ADGRG6: variants seen among roughly 807,000 people sequenced by gnomAD.
The protein encoded by ADGRG6 is G-protein coupled receptor 126.
ADGRG6 carries 84 observed loss-of-function variants against 142.4 expected under a neutral mutation model. That is an observed-to-expected ratio of 0.59 (90% CI 0.49 to 0.71). ADGRG6 has a LOEUF of 0.71. Ranked by LOEUF, ADGRG6 falls within the 30% of genes least tolerant of loss-of-function variation. ADGRG6 has a pLI of 0.00. For synonymous variants in ADGRG6, 521 were observed against 520.5 expected (o/e 1.00, Z -0.01); for missense variants, 1,367 against 1,466.6 (o/e 0.93, Z 1.11).
At chr6:142,378,689 CT>C (rs1490743283) in intron 4 of ADGRG6, among the ~76,000 whole-genome samples, 1 of 152,196 alleles carries the variant, frequency 6.6e-6, no homozygotes. Flanking sequence ...GCTTCCTCTT[CT>C]TGCATTCACT....
rs547565247 is a variant in ADGRG6 at position 142,441,297 on chromosome 6, C to T, written c.3575-2040C>T. Among the ~76,000 whole-genome samples the T allele has an allele frequency of 7.2e-5, 11 of 152,248 alleles. No individual in the cohort carries two copies. In the South Asian group the frequency reaches 1.7e-3, roughly 23 times the overall value. On this transcript the variant is annotated intron_variant, in intron 24 of 24. Coordinates refer to ENST00000367609, the MANE Select transcript of ADGRG6 (RefSeq NM_198569.3). ...TGAAATGCTTTATTTTTCCACTGCT[C>T]ATGTGGATTTCTGGGTATGTCATGG... is the stretch of plus-strand genomic sequence containing the variant.
chr6:142,345,758 A>C (rs1779869696), intron 2 of ADGRG6, among the ~76,000 whole-genome samples: 1 of 152,136 alleles, frequency 6.6e-6, no homozygotes, highest in Non-Finnish European at 1.5e-5. Flanking sequence ...TTGAAAAGGA[A>C]AGTTTTGTTT....
Position 142,401,710 on chromosome 6 carries a change from G to A in ADGRG6, c.1680-284G>A, listed in dbSNP as rs533137212. Among the ~76,000 whole-genome samples, 14 of 152,236 alleles carry A rather than the reference G, an allele frequency of 9.2e-5. No homozygotes were observed. The East Asian group carries it at 2.7e-3, about 29-fold the overall frequency. ...CTGGGGTGAGAGAGGAGAGAATAAG[G>A]AAGGGTGAGAAGAATGAGGTGGAGA... On this transcript the variant is annotated intron_variant, in intron 11 of 24. Coordinates refer to ENST00000367609, the MANE Select transcript of ADGRG6 (RefSeq NM_198569.3).
chr6:142,405,884 A>G (rs1422574514), intron 15 of ADGRG6, 56 bp downstream of exon 15: 1 of 1,277,100 alleles, frequency 7.8e-7, no homozygotes, highest in Admixed American at 2.8e-5. Flanking sequence ...TTCTTTGAGC[A>G]AAGAAAACAA....
At chr6:142,341,645 A>C (rs958011087) in intron 2 of ADGRG6, among the ~76,000 whole-genome samples, 5 of 132,124 alleles carry the variant, frequency 3.8e-5, no homozygotes, top group Non-Finnish European at 7.7e-5. Context: ...AATATATATA[A>C]TATATACTAT....
At chr6:142,313,414 G>A (rs1359834683) in intron 2 of ADGRG6, among the ~76,000 whole-genome samples, 1 of 152,150 alleles carries the variant, frequency 6.6e-6, no homozygotes, top group East Asian at 1.9e-4. Flanking sequence ...ACAGCCAAGA[G>A]CCAATACATT....
At chr6:142,430,026 G>A (rs548629824) in intron 22 of ADGRG6, among the ~76,000 whole-genome samples, 16 of 152,214 alleles carry the variant, frequency 1.1e-4, no homozygotes, top group Admixed American at 5.9e-4. Flanking sequence ...ACTCCAGCCT[G>A]GGTGAGAGAG....
chr6:142,302,406 C>A, intron 1 of ADGRG6, 75 bp downstream of exon 1: 2 of 1,457,026 alleles, frequency 1.4e-6, no homozygotes, highest in Non-Finnish European at 1.9e-6. Flanking sequence ...CCTCCCCGAC[C>A]ACCCCACCCT....
chr6:142,332,281 T>C (rs1368033344), intron 2 of ADGRG6, among the ~76,000 whole-genome samples: 3 of 152,160 alleles, frequency 2.0e-5, no homozygotes, highest in Non-Finnish European at 4.4e-5. Context: ...TAGTGATGAG[T>C]AGGTAGAAAG....
Position 142,415,020 on chromosome 6 carries a change from A to G in ADGRG6, c.2593A>G (p.Thr865Ala). Residue 865 changes from threonine (T) to alanine (A), a missense_variant, in exon 19 of 25, where the codon ACT becomes GCT. This residue lies in a region of ADGRG6 where 286 missense variants were observed against 371.4 expected (regional missense o/e 0.77). Coordinates refer to ENST00000367609, the MANE Select transcript of ADGRG6 (RefSeq NM_198569.3). ...QLDARNTKVL[T>A]FISYIGCGIS... ...AGATGCAAGAAACACTAAAGTCCTCACTTTCATCAGCTATATTGGGTGTGG... is the reference window on the plus strand; with the variant it reads ...AGATGCAAGAAACACTAAAGTCCTCGCTTTCATCAGCTATATTGGGTGTGG... 1 of 1,611,248 alleles carries G rather than the reference A, an allele frequency of 6.2e-7. No individual in the cohort carries two copies. Among genetic ancestry groups the G allele is most frequent in the South Asian group, 1.1e-5 (1 of 90,842 alleles).
chr6:142,437,431 C>G lies in ADGRG6; in HGVS notation c.3320-3C>G. 1 of 1,388,986 alleles carries G rather than the reference C, an allele frequency of 7.2e-7. No homozygotes were observed. Among genetic ancestry groups the G allele is most frequent in the Non-Finnish European group, 1.0e-6 (1 of 981,186 alleles). 86.0% of individuals were successfully genotyped at this position (1,388,986 alleles called of 1,614,324 possible). ...TAAATATTTATATTTTCTTTTGTCA[C>G]AGGCTTATTTATATTCATCTTCCAC... On this transcript the variant is annotated splice_region_variant and splice_polypyrimidine_tract_variant and intron_variant, in intron 22 of 24. Transcript: ENST00000367609.
Position 142,370,412 on chromosome 6 carries a change from A to C in ADGRG6, c.688A>C (p.Lys230Gln), listed in dbSNP as rs11155242. The change falls in exon 4 of 25, where the codon AAA (lysine) becomes CAA (glutamine). Residue 230 changes from lysine (K) to glutamine (Q), a missense_variant. Around this residue, in one of 3 missense-constraint regions of ADGRG6, gnomAD observed 737 missense variants for 746.5 expected, o/e 0.99. Coordinates refer to ENST00000367609, the MANE Select transcript of ADGRG6 (RefSeq NM_198569.3). The part of the protein sequence containing the change: ...SGYFLSISDS[K>Q]CLLNNALPVK... ...CTACTTTCTATCCATTTCTGATTCA[A>C]AATGTTTGTTGAATAATGCATTACC... The C allele has an allele frequency of 0.19, 309,047 of 1,612,652 alleles. 30,493 individuals are homozygous for C. Among genetic ancestry groups the C allele is most frequent in the South Asian group, 0.23 (20,711 of 91,018 alleles).
At chr6:142,377,406 C>G (rs1781553838) in intron 4 of ADGRG6, among the ~76,000 whole-genome samples, 1 of 152,214 alleles carries the variant, frequency 6.6e-6, no homozygotes, top group Admixed American at 6.5e-5. Context: ...CCACCTCCCA[C>G]AAGTCGGGCT....
chr6:142,370,480 G>A lies in ADGRG6; in HGVS notation c.756G>A (p.Gln252=). Reference sequence around the variant, plus strand: ...ACATTTTTGCAGAAAGCTTTGAACAGCTCTGCCTTGTTTGGAATAATTCTT... The same window carrying A: ...ACATTTTTGCAGAAAGCTTTGAACAACTCTGCCTTGTTTGGAATAATTCTT... ...KEDIFAESFE[Q]LCLVWNNSLG... The change falls in exon 4 of 25, where the codon CAG becomes CAA. Residue 252 remains glutamine (Q), a synonymous_variant. Coordinates refer to ENST00000367609, the MANE Select transcript of ADGRG6 (RefSeq NM_198569.3). The A allele has an allele frequency of 6.2e-7, 1 of 1,613,020 alleles. No individual in the cohort carries two copies. Among genetic ancestry groups the A allele is most frequent in the South Asian group, 1.1e-5 (1 of 91,068 alleles).
intron 18 of ADGRG6, among the ~76,000 whole-genome samples, chr6:142,412,259 G>T (rs560790930): frequency 6.6e-6 from 1 of 152,206 alleles, no homozygotes; most frequent in South Asian, 2.1e-4. Flanking sequence ...CATAGCCTTT[G>T]TTTCTGTTTG....
chr6:142,387,035 A>G (rs1205392596), intron 6 of ADGRG6, among the ~76,000 whole-genome samples: 2 of 152,232 alleles, frequency 1.3e-5, no homozygotes, highest in Admixed American at 1.3e-4. Context: ...CAACTTTGTA[A>G]TGAAGCTCTG....
At chr6:142,399,435 A>G (rs1468897774) in intron 10 of ADGRG6, among the ~76,000 whole-genome samples, 2 of 152,096 alleles carry the variant, frequency 1.3e-5, no homozygotes, top group Non-Finnish European at 2.9e-5. Flanking sequence ...AGGGAGGGAG[A>G]ATGCAAGCTG....
At chr6:142,342,069 C>T (rs868544846) in intron 2 of ADGRG6, among the ~76,000 whole-genome samples, 98 of 152,106 alleles carry the variant, frequency 6.4e-4, no homozygotes, top group African/African-American at 2.0e-3. Context: ...TCAGCATTAG[C>T]AACTGAACTG....
At chr6:142,323,176 A>G (rs1048067085) in intron 2 of ADGRG6, among the ~76,000 whole-genome samples, 2 of 151,820 alleles carry the variant, frequency 1.3e-5, no homozygotes, top group Non-Finnish European at 2.9e-5. Flanking sequence ...TGATTGAAGC[A>G]AACTAATAGG....
Sources: allele counts gnomAD v4.1 joint callset (sites outside exome capture counted in the v4.1 genomes callset), GRCh38; gene constraint gnomAD v4.1.1; regional missense constraint gnomAD v4.1.1; transcripts MANE v1.5; gene names NCBI Gene and HGNC (gene_info 2026-07-23, HGNC 2026-07-21).